S100A8: variants seen among roughly 807,000 people sequenced by gnomAD.
S100A8 encodes the protein protein S100-A8.
A neutral mutation model predicts 4.2 loss-of-function variants in S100A8; 1 was observed. The observed-to-expected ratio is 0.24, with a 90% CI of 0.08 to 1.12. The LOEUF (loss-of-function observed/expected upper bound fraction) is 1.12, where lower values mean the gene tolerates loss of function less well. Ranked by LOEUF, S100A8 falls within the 50% of genes most tolerant of loss-of-function variation. The probability of loss-of-function intolerance (pLI) is 0.53; values close to 1 mark genes in which losing one functional copy is unlikely to be tolerated. For synonymous variants in S100A8, 41 were observed against 44.7 expected (o/e 0.92, Z 0.33); for missense variants, 96 against 111.8 (o/e 0.86, Z 0.64).
chr1:153,409,808 A>G, the S100A8 span, among the ~76,000 whole-genome samples: 3 of 152,386 alleles, frequency 2.0e-5, no homozygotes, highest in East Asian at 5.8e-4. Flanking sequence ...TCAAACTAGA[A>G]CTCAGGATTA....
chr1:153,398,241 C>T, the S100A8 span, among the ~76,000 whole-genome samples: 54 of 152,140 alleles, frequency 3.5e-4, no homozygotes, highest in Non-Finnish European at 1.5e-4. Flanking sequence ...CATGGGTCTA[C>T]GTTTGATGAC....
chr1:153,395,123 C>A (rs549711411), upstream of S100A8, among the ~76,000 whole-genome samples: 6 of 152,252 alleles, frequency 3.9e-5, no homozygotes, highest in Non-Finnish European at 1.5e-5. Context: ...TACCGGAGGA[C>A]TCAGATCAGT....
At chr1:153,398,915 C>T in the S100A8 span, among the ~76,000 whole-genome samples, 370 of 152,340 alleles carry the variant, frequency 2.4e-3, 1 homozygote, top group African/African-American at 8.6e-3. Context: ...GGCATGCTTT[C>T]AGTTCCAGTC....
chr1:153,413,086 A>T, the S100A8 span, among the ~76,000 whole-genome samples: 1 of 152,214 alleles, frequency 6.6e-6, no homozygotes, highest in African/African-American at 2.4e-5. Flanking sequence ...ATACATATGT[A>T]ACAAGACTGC....
At chr1:153,404,441 T>C in the S100A8 span, among the ~76,000 whole-genome samples, 5 of 152,022 alleles carry the variant, frequency 3.3e-5, no homozygotes, top group Admixed American at 3.3e-4. Context: ...TAGCACACAC[T>C]CAGCATGACT....
At chr1:153,418,104 A>G in the S100A8 span, 1 of 1,614,202 alleles carries the variant, frequency 6.2e-7, no homozygotes, top group Non-Finnish European at 8.5e-7. Flanking sequence ...TCAAGCTGAG[A>G]GGTCCATAAT....
At chr1:153,405,859 C>T in the S100A8 span, among the ~76,000 whole-genome samples, 4 of 152,112 alleles carry the variant, frequency 2.6e-5, no homozygotes, top group African/African-American at 7.2e-5. Context: ...TGTTCTCATC[C>T]TCCAGTGTGG....
the S100A8 span, among the ~76,000 whole-genome samples, chr1:153,407,473 C>G: frequency 6.6e-6 from 1 of 152,206 alleles, no homozygotes; most frequent in Non-Finnish European, 1.5e-5. Flanking sequence ...AGCCAGGAAG[C>G]GCGAACTGGG....
At chr1:153,403,647 A>G in the S100A8 span, among the ~76,000 whole-genome samples, 5 of 152,078 alleles carry the variant, frequency 3.3e-5, no homozygotes, top group East Asian at 9.6e-4. Flanking sequence ...TGCTTTTTCA[A>G]TTAGGACTAT....
At chr1:153,417,264 G>C in the S100A8 span, 1 of 152,206 alleles carries the variant, frequency 6.6e-6, no homozygotes. Flanking sequence ...CTGGCTGGAA[G>C]ATCTGCTTTG....
upstream of S100A8, among the ~76,000 whole-genome samples, chr1:153,395,322 T>A (rs534038531): frequency 2.6e-5 from 4 of 152,242 alleles, no homozygotes; most frequent in South Asian, 8.3e-4. Flanking sequence ...TCAGCTCCTG[T>A]CAGTGTCTGA....
At chr1:153,409,536 T>A in the S100A8 span, among the ~76,000 whole-genome samples, 1 of 152,120 alleles carries the variant, frequency 6.6e-6, no homozygotes, top group East Asian at 1.9e-4. Flanking sequence ...ATGGGAGACT[T>A]TAATACCCCA....
upstream of S100A8, among the ~76,000 whole-genome samples, chr1:153,392,824 C>T (rs777661350): frequency 1.1e-4 from 17 of 152,110 alleles, no homozygotes; most frequent in Non-Finnish European, 1.9e-4. Context: ...AAAATAAATC[C>T]AGCTCTCTCT....
chr1:153,400,803 T>C, the S100A8 span, among the ~76,000 whole-genome samples: 12 of 152,344 alleles, frequency 7.9e-5, no homozygotes, highest in East Asian at 2.3e-3. Context: ...TAAACAGATA[T>C]TTTAAAAATC....
chr1:153,397,588 A>G, the S100A8 span, among the ~76,000 whole-genome samples: 7 of 152,158 alleles, frequency 4.6e-5, no homozygotes, highest in Admixed American at 4.6e-4. Context: ...CAAGGTGGGC[A>G]TCGGGAGCAC....
At chr1:153,401,655 G>A in the S100A8 span, among the ~76,000 whole-genome samples, 2 of 152,152 alleles carry the variant, frequency 1.3e-5, no homozygotes, top group Non-Finnish European at 1.5e-5. Context: ...GAGGTTACCC[G>A]AAACTGGCCC....
At chr1:153,391,730 G>C (rs1662103425), upstream of S100A8, among the ~76,000 whole-genome samples, 1 of 152,142 alleles carries the variant, frequency 6.6e-6, no homozygotes, top group Non-Finnish European at 1.5e-5. Flanking sequence ...GCTGGGGATG[G>C]ACCATGCCCT....
chr1:153,416,505 T>C, the S100A8 span: 1 of 466,438 alleles, frequency 2.1e-6, no homozygotes, highest in Non-Finnish European at 4.3e-6. Context: ...AAAGGACTGC[T>C]CTTTGTCCAA....
upstream of S100A8, among the ~76,000 whole-genome samples, chr1:153,391,354 G>A (rs1401234165): frequency 6.6e-6 from 1 of 152,170 alleles, no homozygotes; most frequent in Non-Finnish European, 1.5e-5. Flanking sequence ...GATCCAGCCA[G>A]ATTCCCACTC....
Sources: gnomAD v4.1 joint callset for allele counts (sites outside exome capture counted in the v4.1 genomes callset) on GRCh38, gnomAD v4.1.1 for gene constraint, MANE v1.5 for transcripts, NCBI Gene and HGNC (gene_info 2026-07-23, HGNC 2026-07-21) for gene names.